The following LRRC4C variants were observed in gnomAD, a reference collection of about 807,000 sequenced individuals.
LRRC4C encodes leucine-rich repeat-containing protein 4C.
A neutral mutation model predicts 33.6 loss-of-function variants in LRRC4C; 5 were observed. That is an observed-to-expected ratio of 0.15 (90% confidence interval 0.08 to 0.31). The LOEUF is 0.31. Among genes scored for constraint, LRRC4C ranks in the 10% least tolerant of loss-of-function variants. The pLI, the probability that LRRC4C is intolerant of heterozygous loss-of-function variation, is 1.00. For synonymous variants in LRRC4C, 329 were observed against 302.0 expected (o/e 1.09, Z -0.93); for missense variants, 560 against 796.7 (o/e 0.70, Z 3.58).
chr11:41,370,724 T>G (rs576057500), intron 1 of LRRC4C, among the ~76,000 whole-genome samples: 6 of 152,272 alleles, frequency 3.9e-5, no homozygotes, highest in African/African-American at 1.4e-4. Context: ...TAAAATTTTT[T>G]GGAGAGACAT....
intron 4 of LRRC4C, among the ~76,000 whole-genome samples, chr11:40,311,698 G>C (rs557012123): frequency 1.3e-5 from 2 of 151,994 alleles, no homozygotes; most frequent in Non-Finnish European, 2.9e-5. Flanking sequence ...TGTAATCCCA[G>C]TATTTTGGGA....
intron 2 of LRRC4C, among the ~76,000 whole-genome samples, chr11:40,665,985 T>C (rs1268128663): frequency 6.6e-6 from 1 of 152,174 alleles, no homozygotes; most frequent in Admixed American, 6.5e-5. Context: ...TATATGTGTG[T>C]GAATGTAGAA....
chr11:41,206,865 G>A (rs759941203), intron 1 of LRRC4C, among the ~76,000 whole-genome samples: 11 of 152,036 alleles, frequency 7.2e-5, no homozygotes, highest in Non-Finnish European at 1.6e-4. Flanking sequence ...GAATGTTAAC[G>A]TAATGTAATA....
intron 2 of LRRC4C, among the ~76,000 whole-genome samples, chr11:40,878,319 G>A (rs1955012203): frequency 6.6e-6 from 1 of 152,124 alleles, no homozygotes; most frequent in Non-Finnish European, 1.5e-5. Flanking sequence ...ATAGGGTTTT[G>A]ATATGAGTCT....
intron 3 of LRRC4C, among the ~76,000 whole-genome samples, chr11:40,380,904 T>G (rs1948837910): frequency 6.6e-6 from 1 of 152,228 alleles, no homozygotes; most frequent in Non-Finnish European, 1.5e-5. Context: ...AAAAATGATC[T>G]TCTACCTATC....
chr11:41,254,056 G>T (rs924600103), intron 1 of LRRC4C, among the ~76,000 whole-genome samples: 1 of 151,792 alleles, frequency 6.6e-6, no homozygotes, highest in African/African-American at 2.4e-5. Flanking sequence ...ATATATATAC[G>T]ACCTAGTAAG....
chr11:41,064,886 A>AT (rs1309890427), intron 1 of LRRC4C, among the ~76,000 whole-genome samples: 1 of 152,202 alleles, frequency 6.6e-6, no homozygotes, highest in South Asian at 2.1e-4. Context: ...GAGGTGCTAC[A>AT]TTTTTTCTCA....
At chr11:40,698,019 G>C (rs1945663795) in intron 2 of LRRC4C, among the ~76,000 whole-genome samples, 1 of 147,024 alleles carries the variant, frequency 6.8e-6, no homozygotes, top group Non-Finnish European at 1.5e-5. Flanking sequence ...AGTGAGCAGA[G>C]ATTGCACCAC....
At chr11:40,488,707 T>C (rs1243900586) in intron 3 of LRRC4C, among the ~76,000 whole-genome samples, 3 of 152,090 alleles carry the variant, frequency 2.0e-5, no homozygotes, top group Non-Finnish European at 4.4e-5. Context: ...CTACGAGTTA[T>C]GGCTTAGACT....
chr11:40,221,004 T>G (rs112390065), intron 5 of LRRC4C, among the ~76,000 whole-genome samples: 2,317 of 151,980 alleles, frequency 0.015, 56 homozygotes, highest in African/African-American at 0.052. Context: ...GCCTCCCAAA[T>G]AGCTGGGATT....
chr11:40,293,475 C>T (rs1358370586), intron 4 of LRRC4C: 2 of 152,004 alleles, frequency 1.3e-5, no homozygotes, highest in East Asian at 3.9e-4. Flanking sequence ...CCCTTCTCCT[C>T]CATCAGCCGG....
At chr11:40,203,799 G>A (rs1265916489) in intron 5 of LRRC4C, among the ~76,000 whole-genome samples, 1 of 152,166 alleles carries the variant, frequency 6.6e-6, no homozygotes, top group Non-Finnish European at 1.5e-5. Context: ...TAAACAATGT[G>A]GAAGCACTGA....
intron 3 of LRRC4C, among the ~76,000 whole-genome samples, chr11:40,376,500 T>C (rs1948665472): frequency 6.6e-6 from 1 of 152,188 alleles, no homozygotes; most frequent in African/African-American, 2.4e-5. Context: ...TAAAGACATC[T>C]GGTTTTGCCA....
At chr11:40,266,038 C>T (rs562126599) in intron 4 of LRRC4C, among the ~76,000 whole-genome samples, 1 of 152,280 alleles carries the variant, frequency 6.6e-6, no homozygotes, top group African/African-American at 2.4e-5. Flanking sequence ...TGGCTCATGC[C>T]TGTAATTCCA....
intron 3 of LRRC4C, among the ~76,000 whole-genome samples, chr11:40,418,795 A>G (rs1950419591): frequency 1.3e-5 from 2 of 152,356 alleles, no homozygotes; most frequent in South Asian, 4.1e-4. Context: ...AAGGAGTGAG[A>G]TCATGTCCTT....
At chr11:41,419,089 A>G (rs1954786854) in intron 1 of LRRC4C, among the ~76,000 whole-genome samples, 1 of 151,958 alleles carries the variant, frequency 6.6e-6, no homozygotes, top group South Asian at 2.1e-4. Context: ...GAAAGAGGCA[A>G]AGTACAGATG....
intron 1 of LRRC4C, among the ~76,000 whole-genome samples, chr11:41,178,847 T>G (rs1444661743): frequency 1.3e-5 from 2 of 152,050 alleles, no homozygotes; most frequent in African/African-American, 4.8e-5. Context: ...GGATTACAGG[T>G]GCCCACCACC....
chr11:40,227,352 G>T (rs1159957872), intron 5 of LRRC4C, among the ~76,000 whole-genome samples: 2 of 152,162 alleles, frequency 1.3e-5, no homozygotes, highest in East Asian at 1.9e-4. Context: ...GAAGATGATT[G>T]TTATGATGAT....
chr11:40,689,758 G>A (rs1565638192), intron 2 of LRRC4C, among the ~76,000 whole-genome samples: 1 of 152,052 alleles, frequency 6.6e-6, no homozygotes, highest in Non-Finnish European at 1.5e-5. Flanking sequence ...TTCTATTATT[G>A]TGGAGTTTGT....
Sources: allele counts gnomAD v4.1 joint callset (sites outside exome capture counted in the v4.1 genomes callset), GRCh38; gene constraint gnomAD v4.1.1; transcripts MANE v1.5; gene names NCBI Gene and HGNC (gene_info 2026-07-23, HGNC 2026-07-21).